PSEN1: variants seen among roughly 807,000 people sequenced by gnomAD.
PSEN1 encodes presenilin-1.
Under a neutral mutation model 53.5 loss-of-function variants are expected in PSEN1, and 15 were observed. The ratio of observed to expected loss-of-function variants is 0.28; its 90% CI spans 0.19 to 0.43. The LOEUF is 0.43. PSEN1 is among the 20% of genes least tolerant of loss of function. The pLI is 1.00. For missense variants in PSEN1, 387 were observed against 571.2 expected (o/e 0.68, Z 3.29); for synonymous variants, 208 against 209.8 (o/e 0.99, Z 0.08).
At chr14:73,171,159 GC>G in intron 4 of PSEN1, 112 bp downstream of exon 4, 1 of 1,324,388 alleles carries the variant, frequency 7.6e-7, no homozygotes, top group Non-Finnish European at 1.1e-6. Context: ...TAGCTGGAGA[GC>G]CCATCCTCTG....
intron 3 of PSEN1, among the ~76,000 whole-genome samples, chr14:73,166,065 A>AATAATT (rs1208998817): frequency 1.3e-5 from 2 of 151,564 alleles, no homozygotes; most frequent in Admixed American, 6.6e-5. Context: ...TAATAATAAT[A>AATAATT]ATAATAAAAT....
chr14:73,211,553 G>C (rs1005544635), intron 9 of PSEN1, among the ~76,000 whole-genome samples: 9 of 147,682 alleles, frequency 6.1e-5, no homozygotes, highest in Admixed American at 2.7e-4. Context: ...CATGTGGGAG[G>C]GGGTGGGAAC....
intron 5 of PSEN1, among the ~76,000 whole-genome samples, chr14:73,184,752 C>A (rs1476484925): frequency 6.6e-6 from 1 of 151,416 alleles, no homozygotes; most frequent in South Asian, 2.1e-4. Context: ...GCTGACCCCC[C>A]CCACCTCCCT....
intron 3 of PSEN1, among the ~76,000 whole-genome samples, chr14:73,162,153 T>TG (rs1285846135): frequency 7.4e-5 from 11 of 148,812 alleles, no homozygotes; most frequent in Non-Finnish European, 1.6e-4. Context: ...CACTCCAGCC[T>TG]GGGCAACAGG....
rs117563918 is a variant in PSEN1 at position 73,149,199 on chromosome 14, C to T, written c.87+1093C>T. 6.7e-3 allele frequency among the ~76,000 whole-genome samples: 1,026 copies of T among 152,096 alleles called. 6 individuals carry two copies. Among genetic ancestry groups the T allele is most frequent in the Non-Finnish European group, 0.011 (753 of 67,998 alleles). ...TCTGGATCAATAAAAAGAACTTTCT[C>T]ATAGCCTGGCATGGTGGTGCATGCT... On this transcript the variant is annotated intron_variant, in intron 3 of 11. Transcript: ENST00000324501.
intron 5 of PSEN1, among the ~76,000 whole-genome samples, chr14:73,183,448 T>A (rs1435697288): frequency 1.3e-5 from 2 of 152,074 alleles, no homozygotes; most frequent in Non-Finnish European, 2.9e-5. Flanking sequence ...CCTGCGGCCT[T>A]CCGCAGTGTT....
Position 73,217,233 on chromosome 14 carries a change from GCCA to G in PSEN1, c.1238_1240del (p.Ala413_Ile414delinsVal). On this transcript the variant is annotated inframe_deletion, in exon 11 of 12. Transcript: ENST00000324501. The stretch of plus-strand genomic sequence containing the variant: ...GAACACAACCATAGCCTGTTTCGTA[GCCA>G]TATTAATTGTAAGTATACACTAATA... 1 of 1,614,094 alleles carries G rather than the reference GCCA, an allele frequency of 6.2e-7. No homozygotes were observed. Among genetic ancestry groups the G allele is most frequent in the South Asian group, 1.1e-5 (1 of 91,064 alleles).
intron 6 of PSEN1, among the ~76,000 whole-genome samples, chr14:73,191,398 A>AGTGT (rs145353205): frequency 6.6e-6 from 1 of 151,780 alleles, no homozygotes; most frequent in African/African-American, 2.4e-5. Context: ...TGTATGTATA[A>AGTGT]GTGTGTGTGT....
intron 5 of PSEN1, among the ~76,000 whole-genome samples, chr14:73,175,116 T>TTTTTTTTG (rs528605874): frequency 9.2e-4 from 139 of 151,004 alleles, no homozygotes; most frequent in African/African-American, 2.9e-3. Context: ...AGGTCAGGAG[T>TTTTTTTTG]TTTTTTTGTT....
In PSEN1 at chr14:73,223,630, A is replaced by G. The variant is rs1882692829; in HGVS notation, c.*4341A>G. The G allele has an allele frequency of 6.6e-6, 1 of 152,352 alleles. No homozygotes were observed. The highest frequency in any genetic ancestry group is 2.4e-5 in the African/African-American group (1 of 41,584). 9.4% of individuals were successfully genotyped at this position (152,352 alleles called of 1,614,324 possible). A position where few individuals can be genotyped will look rare whatever the true frequency, so the allele number is the denominator to read the frequency against. On this transcript the variant is annotated 3_prime_UTR_variant, in exon 12 of 12. Transcript: ENST00000324501. ...CCTTTCAAATTCTTGGTAAGATATA[A>G]TTTTGATAGCTGATTGCAGATTTTC...
chr14:73,202,724 G>A (rs1899280535), intron 8 of PSEN1, among the ~76,000 whole-genome samples: 2 of 150,984 alleles, frequency 1.3e-5, no homozygotes, highest in East Asian at 3.9e-4. Flanking sequence ...TGCCCTCCTC[G>A]GCCTCCCAAA....
At chr14:73,213,607 A>G (rs1183327345) in intron 10 of PSEN1, among the ~76,000 whole-genome samples, 1 of 152,232 alleles carries the variant, frequency 6.6e-6, no homozygotes, top group African/African-American at 2.4e-5. Context: ...AGTTGACACT[A>G]TAGGTCAGTT....
intron 10 of PSEN1, among the ~76,000 whole-genome samples, chr14:73,215,593 A>T (rs1030680411): frequency 1.3e-5 from 2 of 152,148 alleles, no homozygotes; most frequent in Non-Finnish European, 2.9e-5. Context: ...TATGCAAATC[A>T]TATTGAAGTC....
At chr14:73,172,925 C>T (rs1005070853) in intron 4 of PSEN1, among the ~76,000 whole-genome samples, 2 of 152,158 alleles carry the variant, frequency 1.3e-5, no homozygotes, top group Admixed American at 6.6e-5. Flanking sequence ...TAGGACATGT[C>T]AGCAGAATTC....
At chr14:73,149,463 C>A (rs1897159366) in intron 3 of PSEN1, among the ~76,000 whole-genome samples, 1 of 152,164 alleles carries the variant, frequency 6.6e-6, no homozygotes, top group Admixed American at 6.5e-5. Flanking sequence ...GTGAATTCCG[C>A]AGTTGAACTA....
chr14:73,143,988 TAAAAAAAAAAAAA>T (rs530235019), intron 1 of PSEN1, among the ~76,000 whole-genome samples: 4 of 53,196 alleles, frequency 7.5e-5, no homozygotes, highest in African/African-American at 2.7e-4. Flanking sequence ...CCTTGTCTCT[TAAAAAAAAAAAAA>T]AAAAAAAAAA....
chr14:73,147,857 G>A lies in PSEN1; in HGVS notation c.-73G>A, dbSNP rs1210573058. On this transcript the variant is annotated 5_prime_UTR_variant, in exon 2 of 12. Coordinates refer to ENST00000324501, the MANE Select transcript of PSEN1 (RefSeq NM_000021.4). The stretch of plus-strand genomic sequence containing the variant: ...CGGTCCTTAGACAGCTTGGCCTGGA[G>A]GAGAACACATGAAAGAAAGGTTTGT... 1 of 663,660 alleles carries A rather than the reference G, an allele frequency of 1.5e-6. No homozygotes were observed. The highest frequency in any genetic ancestry group is 1.8e-5 in the African/African-American group (1 of 56,024). 41.1% of individuals were successfully genotyped at this position (663,660 alleles called of 1,614,324 possible). A position where few individuals can be genotyped will look rare whatever the true frequency, so the allele number is the denominator to read the frequency against.
At chr14:73,158,178 A>G (rs2140002464) in intron 3 of PSEN1, among the ~76,000 whole-genome samples, 1 of 152,200 alleles carries the variant, frequency 6.6e-6, no homozygotes, top group African/African-American at 2.4e-5. Context: ...ACGGATATTC[A>G]TGTACAGATC....
At chr14:73,197,282 C>T (rs990539516) in intron 7 of PSEN1, among the ~76,000 whole-genome samples, 1 of 152,028 alleles carries the variant, frequency 6.6e-6, no homozygotes, top group East Asian at 1.9e-4. Context: ...TGCAGTTGAT[C>T]GAAAGAAATG....
Sources: allele counts gnomAD v4.1 joint callset (sites outside exome capture counted in the v4.1 genomes callset), GRCh38; gene constraint gnomAD v4.1.1; transcripts MANE v1.5; gene names NCBI Gene and HGNC (gene_info 2026-07-23, HGNC 2026-07-21).